Variants in CYFIP2 observed in about 807,000 individuals in gnomAD.
CYFIP2 encodes cytoplasmic FMR1 interacting protein 2.
Under a neutral mutation model 158.7 loss-of-function variants are expected in CYFIP2, and 29 were observed. That is an observed-to-expected ratio of 0.18 (90% CI 0.14 to 0.25). The LOEUF (loss-of-function observed/expected upper bound fraction) is 0.25. Among genes scored for constraint, CYFIP2 ranks in the 10% least tolerant of loss-of-function variants. CYFIP2 has a pLI of 1.00. For synonymous variants in CYFIP2, 585 were observed against 617.6 expected (o/e 0.95, Z 0.78); for missense variants, 852 against 1,639.5 (o/e 0.52, Z 8.29).
chr5:157,361,294 T>A lies in CYFIP2; in HGVS notation c.2909-174T>A. 13 of 693,958 alleles carry A rather than the reference T, an allele frequency of 1.9e-5. No individual in the cohort carries two copies. Among genetic ancestry groups the A allele is most frequent in the Non-Finnish European group, 3.1e-5 (13 of 422,740 alleles). 43.0% of individuals were successfully genotyped at this position (693,958 alleles called of 1,614,324 possible). On this transcript the variant is annotated intron_variant, in intron 25 of 30. Transcript: ENST00000620254. The surrounding 1 kb of genome is among the most constrained non-coding windows in gnomAD (Gnocchi z 4.4). ...ACATGAGCCAGCTACTCGAACTTTG[T>A]CCAGTACTGAGCCCTGAAAGAAATC...
intron 19 of CYFIP2, 51 bp downstream of exon 19, chr5:157,328,100 G>C: frequency 6.5e-7 from 1 of 1,542,022 alleles, no homozygotes; most frequent in African/African-American, 1.4e-5. Flanking sequence ...CTGCCACCTA[G>C]AAGACATGAT....
At chr5:157,306,294 A>T (rs1324044319) in intron 8 of CYFIP2, among the ~76,000 whole-genome samples, 1 of 152,182 alleles carries the variant, frequency 6.6e-6, no homozygotes, top group Non-Finnish European at 1.5e-5. Context: ...AAATCCGGAG[A>T]AGCCACTCAC....
At chr5:157,304,950 C>T (rs896615057) in intron 8 of CYFIP2, among the ~76,000 whole-genome samples, 1 of 152,158 alleles carries the variant, frequency 6.6e-6, no homozygotes, top group Non-Finnish European at 1.5e-5. Context: ...TTATATCATT[C>T]TTATGCCTGG....
intron 23 of CYFIP2, chr5:157,343,204 G>A (rs760024969): frequency 6.2e-7 from 1 of 1,614,230 alleles, no homozygotes; most frequent in African/African-American, 1.3e-5. Context: ...CCCAAAGGGA[G>A]ATCTGGGGGT....
intron 18 of CYFIP2, 163 bp from the exon 19 acceptor site, chr5:157,327,810 C>A: frequency 1.6e-6 from 1 of 631,758 alleles, no homozygotes; most frequent in Non-Finnish European, 2.8e-6. Flanking sequence ...GAGCAAGGGA[C>A]CAAATCTCCC....
chr5:157,267,930 AGT>A (rs1183998233), intron 1 of CYFIP2, among the ~76,000 whole-genome samples: 1 of 152,158 alleles, frequency 6.6e-6, no homozygotes, highest in African/African-American at 2.4e-5. Context: ...ATGCTGTAAG[AGT>A]GTGTATGCAT....
intron 13 of CYFIP2, among the ~76,000 whole-genome samples, chr5:157,316,719 G>C (rs1760176277): frequency 6.6e-6 from 1 of 152,170 alleles, no homozygotes; most frequent in African/African-American, 2.4e-5. Flanking sequence ...GTAAAATGGA[G>C]CTAATCAACC....
At chr5:157,285,615 G>A (rs1055563913) in intron 2 of CYFIP2, 137 bp downstream of exon 2, 12 of 698,010 alleles carry the variant, frequency 1.7e-5, no homozygotes, top group Admixed American at 5.8e-5. Flanking sequence ...TCCCTTGTGC[G>A]CTGGTAGAGC....
chr5:157,369,155 C>G (rs1020886410), intron 26 of CYFIP2, among the ~76,000 whole-genome samples: 10 of 152,104 alleles, frequency 6.6e-5, no homozygotes, highest in Non-Finnish European at 1.3e-4. Context: ...GCCTTGGCCT[C>G]CCAAAGTGCT....
At chr5:157,287,166 C>T (rs1244649038) in intron 3 of CYFIP2, 58 bp downstream of exon 3, 25 of 1,423,970 alleles carry the variant, frequency 1.8e-5, no homozygotes, top group East Asian at 1.4e-4. Flanking sequence ...GCAGGGGCCG[C>T]GGGCAGCTTC....
chr5:157,274,129 TAA>T lies in CYFIP2; in HGVS notation c.-24+7953_-24+7954del, dbSNP rs58939164. On this transcript the variant is annotated intron_variant, in intron 1 of 30. Transcript: ENST00000620254. ...TGGGGAACAAGAGTGAAACTCTGTG[TAA>T]AAAAAAAAAAAAAAAAAACCGTTCA... Among the ~76,000 whole-genome samples the T allele has an allele frequency of 1.9e-3, 228 of 123,148 alleles. 1 individual carries two copies. The highest frequency in any genetic ancestry group is 4.5e-3 in the Middle Eastern group (1 of 222). The allele number at this position is 123,148 out of a possible 152,430, so 80.8% of individuals were successfully genotyped here. A position where few individuals can be genotyped will look rare whatever the true frequency, so the allele number is the denominator to read the frequency against.
intron 26 of CYFIP2, among the ~76,000 whole-genome samples, chr5:157,375,537 T>A (rs1317947691): frequency 6.6e-6 from 1 of 152,204 alleles, no homozygotes; most frequent in Admixed American, 6.5e-5. Flanking sequence ...CTCTGTTATA[T>A]TCTCTAAGCC....
chr5:157,345,991 A>C (rs962931348), intron 23 of CYFIP2, among the ~76,000 whole-genome samples: 6 of 152,198 alleles, frequency 3.9e-5, no homozygotes, highest in African/African-American at 1.4e-4. Flanking sequence ...CCACAACCAA[A>C]GCAGTAATAT....
intron 19 of CYFIP2, among the ~76,000 whole-genome samples, chr5:157,330,495 T>G (rs1332209661): frequency 6.6e-6 from 1 of 152,186 alleles, no homozygotes; most frequent in African/African-American, 2.4e-5. Context: ...AGTAAATGAA[T>G]AAAAGAGGAA....
rs534256270 is a variant in CYFIP2 at position 157,368,912 on chromosome 5, T to G, written c.3039+7314T>G. ...GTTTTTTGTTTTTTTGTTTTTTTTT[T>G]TTTTGAGACAGAGTCTCACTCTCTT... On this transcript the variant is annotated intron_variant, in intron 26 of 30. Coordinates refer to ENST00000620254, the MANE Select transcript of CYFIP2 (RefSeq NM_001037333.3). Among the ~76,000 whole-genome samples, 992 of 151,446 alleles carry G rather than the reference T, an allele frequency of 6.6e-3. 15 individuals carry two copies. Among genetic ancestry groups the G allele is most frequent in the African/African-American group, 0.023 (934 of 41,264 alleles).
In CYFIP2 at chr5:157,319,787, A is replaced by G. The variant is rs1337604840; in HGVS notation, c.1382A>G (p.Gln461Arg). The G allele has an allele frequency of 1.2e-6, 2 of 1,614,002 alleles. No individual in the cohort carries two copies. Among genetic ancestry groups the G allele is most frequent in the Non-Finnish European group, 1.7e-6 (2 of 1,179,946 alleles). The change falls in exon 14 of 31, where the codon CAG becomes CGG. Residue 461 changes from glutamine (Q) to arginine (R), a missense_variant. Physicochemically the swap from Gln to Arg is conservative, Grantham distance 43. This residue lies in a region of CYFIP2 where 167 missense variants were observed against 343.3 expected (regional missense o/e 0.49). Transcript: ENST00000620254. ...GTGATCGCCATGATCAAAGGCCTGCAGGTGCTCATGGGCAGGATGGAGAGC... is the reference window on the plus strand; with the variant it reads ...GTGATCGCCATGATCAAAGGCCTGCGGGTGCTCATGGGCAGGATGGAGAGC... ...VEVIAMIKGL[Q>R]VLMGRMESVF...
At chr5:157,332,570 C>A (rs778547144) in intron 20 of CYFIP2, among the ~76,000 whole-genome samples, 3 of 152,164 alleles carry the variant, frequency 2.0e-5, no homozygotes, top group Non-Finnish European at 4.4e-5. Flanking sequence ...CCCATTCGTC[C>A]CAGTTATGTC....
intron 22 of CYFIP2, among the ~76,000 whole-genome samples, chr5:157,339,558 T>C (rs1288405746): frequency 2.6e-5 from 4 of 152,254 alleles, no homozygotes; most frequent in Non-Finnish European, 5.9e-5. Flanking sequence ...GGTGAGCAGA[T>C]ACCTTCCTGC....
At chr5:157,391,635 A>G (rs1767299201) in intron 30 of CYFIP2, among the ~76,000 whole-genome samples, 1 of 152,192 alleles carries the variant, frequency 6.6e-6, no homozygotes, top group Non-Finnish European at 1.5e-5. Flanking sequence ...TGGCTGTATA[A>G]TATTGCATTG....
Sources: gnomAD v4.1 joint callset for allele counts (sites outside exome capture counted in the v4.1 genomes callset) on GRCh38, gnomAD v4.1.1 for gene constraint, gnomAD v4.1.1 regional missense constraint, Gnocchi (gnomAD v3.1) non-coding constraint, MANE v1.5 for transcripts, NCBI Gene and HGNC (gene_info 2026-07-23, HGNC 2026-07-21) for gene names.